Variants in NBAS observed in about 807,000 individuals in gnomAD.
The protein encoded by NBAS is NAG/BC035112 fusion.
Under a neutral mutation model 302.5 loss-of-function variants are expected in NBAS, and 219 were observed. That is an observed-to-expected ratio of 0.72 (90% CI 0.65 to 0.81). The LOEUF (loss-of-function observed/expected upper bound fraction) is 0.81. Ranked by LOEUF, NBAS falls within the 30% of genes least tolerant of loss-of-function variation. The pLI is 0.00. For missense variants in NBAS, 2,932 were observed against 2,841.6 expected (o/e 1.03, Z -0.72); for synonymous variants, 1,118 against 1,021.6 (o/e 1.09, Z -1.80).
the NBAS span, among the ~76,000 whole-genome samples, chr2:15,049,820 G>A: frequency 4.9e-3 from 746 of 152,304 alleles, 9 homozygotes; most frequent in African/African-American, 0.015. Flanking sequence ...AGGGGGCCTT[G>A]TAAACAAGCT....
the NBAS span, among the ~76,000 whole-genome samples, chr2:14,989,537 G>A: frequency 0.18 from 26,663 of 151,620 alleles, 3,142 homozygotes; most frequent in Non-Finnish European, 0.27. Flanking sequence ...CAGCCTGGGC[G>A]ACAGAGTGAG....
At chr2:15,342,553 A>G (rs1672903763) in intron 35 of NBAS, among the ~76,000 whole-genome samples, 1 of 152,124 alleles carries the variant, frequency 6.6e-6, no homozygotes, top group Non-Finnish European at 1.5e-5. Flanking sequence ...GTACTTAGGA[A>G]TATGGAAGGA....
intron 8 of NBAS, 119 bp downstream of exon 8, chr2:15,536,299 T>C: frequency 3.3e-6 from 4 of 1,204,444 alleles, no homozygotes; most frequent in Non-Finnish European, 4.7e-6. Context: ...AAATTCCCTA[T>C]TATATTTGCA....
chr2:14,989,708 A>T, the NBAS span, among the ~76,000 whole-genome samples: 1 of 152,230 alleles, frequency 6.6e-6, no homozygotes, highest in East Asian at 1.9e-4. Context: ...TCAGAAAAAC[A>T]AGCCTTCAGT....
the NBAS span, among the ~76,000 whole-genome samples, chr2:14,854,484 C>G: frequency 5.3e-5 from 8 of 151,830 alleles, no homozygotes; most frequent in African/African-American, 1.7e-4. Context: ...CAGGTGAGCA[C>G]TCATAGCACC....
At position 15,417,585 on chromosome 2, in the gene NBAS, G is replaced by T; in HGVS notation, c.2705C>A (p.Thr902Asn). The change falls in exon 24 of 52, where the codon ACC (threonine) becomes AAC (asparagine). Residue 902 changes from threonine to asparagine, a missense_variant. By Grantham distance (65) the Thr-to-Asn change is moderately conservative (BLOSUM62 0). Coordinates refer to ENST00000281513, the MANE Select transcript of NBAS (RefSeq NM_015909.4). ...TTTCATCTGCTGGAGTTCTTTCAGG[G>T]TTAGAGTTACATCACACCTGGCTTC... Reference protein sequence around the residue: ...VYEARCDVTLTLKELQQMKDI... With the variant: ...VYEARCDVTLNLKELQQMKDI... 1 of 1,613,900 alleles carries T rather than the reference G, an allele frequency of 6.2e-7. No individual in the cohort carries two copies. Among genetic ancestry groups the T allele is most frequent in the Non-Finnish European group, 8.5e-7 (1 of 1,179,898 alleles).
At chr2:15,460,096 C>A (rs1679442105) in intron 21 of NBAS, among the ~76,000 whole-genome samples, 1 of 152,074 alleles carries the variant, frequency 6.6e-6, no homozygotes, top group African/African-American at 2.4e-5. Context: ...GTGGAGGCAG[C>A]AAGGGAGGAA....
the NBAS span, among the ~76,000 whole-genome samples, chr2:15,079,813 G>C: frequency 6.6e-6 from 1 of 152,178 alleles, no homozygotes; most frequent in Non-Finnish European, 1.5e-5. Context: ...GGGCAGGACT[G>C]TGTCTTCGTT....
At chr2:15,335,945 A>C (rs1171977313) in intron 35 of NBAS, among the ~76,000 whole-genome samples, 3 of 151,294 alleles carry the variant, frequency 2.0e-5, no homozygotes, top group African/African-American at 7.4e-5. Flanking sequence ...AAAAATAAAA[A>C]ATTACGCAGG....
intron 28 of NBAS, among the ~76,000 whole-genome samples, chr2:15,393,878 T>C (rs1012775926): frequency 1.3e-5 from 2 of 152,050 alleles, no homozygotes; most frequent in African/African-American, 4.8e-5. Context: ...GTGTGACTGA[T>C]TTCTATAAAA....
rs778495068 is a variant in NBAS, at chr2:15,417,619, A to G, written c.2671T>C (p.Leu891=). ...LCDNLVTLET[L]VYEARCDVTL... ...ACATCACACCTGGCTTCATAAACCA[A>G]TGTTTCCAGAGTAACCAAATTGTCA... Residue 891 remains leucine, a synonymous_variant, in exon 24 of 52, where the codon TTG becomes CTG. Transcript: ENST00000281513. The G allele has an allele frequency of 3.1e-6, 5 of 1,613,912 alleles. No individual in the cohort carries two copies. Among genetic ancestry groups the G allele is most frequent in the Admixed American group, 3.3e-5 (2 of 60,002 alleles).
intron 40 of NBAS, among the ~76,000 whole-genome samples, chr2:15,296,603 G>A (rs1670561198): frequency 6.6e-6 from 1 of 151,938 alleles, no homozygotes. Context: ...CTACGAGGCT[G>A]GAGGCTCAAT....
intron 21 of NBAS, among the ~76,000 whole-genome samples, chr2:15,453,229 A>G (rs1679100219): frequency 6.6e-6 from 1 of 152,206 alleles, no homozygotes; most frequent in Non-Finnish European, 1.5e-5. Flanking sequence ...GGAAAGCAGG[A>G]ATGACCCAGG....
intron 44 of NBAS, among the ~76,000 whole-genome samples, chr2:15,244,168 T>A (rs942488473): frequency 3.3e-5 from 5 of 152,306 alleles, no homozygotes; most frequent in African/African-American, 1.2e-4. Flanking sequence ...TACGGGCACA[T>A]GACACTAACA....
chr2:15,286,621 T>C (rs1378338388), intron 42 of NBAS, among the ~76,000 whole-genome samples: 2 of 152,248 alleles, frequency 1.3e-5, no homozygotes, highest in Non-Finnish European at 1.5e-5. Flanking sequence ...CTGTCGTTAA[T>C]TCCAACCCAA....
At chr2:14,960,949 A>C in the NBAS span, among the ~76,000 whole-genome samples, 1 of 152,234 alleles carries the variant, frequency 6.6e-6, no homozygotes, top group Admixed American at 6.5e-5. Flanking sequence ...ACCTCTCAAA[A>C]GCAGCAAGTC....
At chr2:15,030,032 T>TTTAGCATGGAAACCCAAC in the NBAS span, among the ~76,000 whole-genome samples, 1 of 152,220 alleles carries the variant, frequency 6.6e-6, no homozygotes, top group East Asian at 1.9e-4. Flanking sequence ...AGGCGAACTT[T>TTTAGCATGGAAACCCAAC]TTAGCATGGA....
the NBAS span, among the ~76,000 whole-genome samples, chr2:14,967,054 G>A: frequency 0.096 from 14,666 of 152,054 alleles, 776 homozygotes; most frequent in African/African-American, 0.12. Flanking sequence ...TATTAATAGC[G>A]TAGAAATTAT....
At chr2:15,292,816 G>A (rs767532335) in intron 40 of NBAS, 50 bp from the exon 41 acceptor site, 35 of 1,524,666 alleles carry the variant, frequency 2.3e-5, no homozygotes, top group East Asian at 4.5e-5. Flanking sequence ...ATACAAACAC[G>A]AGCAAGTGAG....
Sources: gnomAD v4.1 joint callset for allele counts (sites outside exome capture counted in the v4.1 genomes callset) on GRCh38, gnomAD v4.1.1 for gene constraint, MANE v1.5 for transcripts, NCBI Gene and HGNC (gene_info 2026-07-23, HGNC 2026-07-21) for gene names.